NLGN1: variants seen among roughly 807,000 people sequenced by gnomAD.
NLGN1 encodes neuroligin 1.
NLGN1 carries 12 observed loss-of-function variants against 65.5 expected under a neutral mutation model. That is an observed-to-expected ratio of 0.18 (90% CI 0.12 to 0.30). The LOEUF is 0.30. Ranked by LOEUF, NLGN1 falls within the 10% of genes least tolerant of loss-of-function variation. NLGN1 has a pLI of 1.00. For synonymous variants in NLGN1, 350 were observed against 359.5 expected, an observed-to-expected ratio of 0.97 and a Z score of 0.30; for missense variants, 750 against 1,007.1, an observed-to-expected ratio of 0.74 and a Z score of 3.46.
intron 4 of NLGN1, among the ~76,000 whole-genome samples, chr3:174,017,414 T>C (rs1039321367): frequency 6.6e-6 from 1 of 152,190 alleles, no homozygotes; most frequent in Admixed American, 6.6e-5. Context: ...TATCAGTGTT[T>C]TCTAATGAAT....
chr3:174,022,054 G>A (rs1479231039), intron 4 of NLGN1, among the ~76,000 whole-genome samples: 2 of 152,086 alleles, frequency 1.3e-5, no homozygotes, highest in East Asian at 3.9e-4. Flanking sequence ...GTGTTCTGCC[G>A]ATGACCTGTA....
chr3:174,075,622 CTT>C (rs1172382845), intron 4 of NLGN1, among the ~76,000 whole-genome samples: 2 of 152,092 alleles, frequency 1.3e-5, no homozygotes, highest in African/African-American at 4.8e-5. Flanking sequence ...TTATATGACT[CTT>C]TTCAGTTTTT....
chr3:173,443,922 T>G (rs558928847), intron 2 of NLGN1, among the ~76,000 whole-genome samples: 1 of 152,328 alleles, frequency 6.6e-6, no homozygotes, highest in East Asian at 1.9e-4. Flanking sequence ...ACTTAACTGA[T>G]CAGTGAACAT....
rs5854553 is a variant in NLGN1 at position 174,133,893 on chromosome 3, AACACACACACAC to A, written c.647-141400_647-141389del. Among the ~76,000 whole-genome samples the A allele has an allele frequency of 4.2e-3, 608 of 144,892 alleles. 3 individuals are homozygous for A. The highest frequency in any genetic ancestry group is 0.015 in the African/African-American group (575 of 39,248). ...ATCTCTCCCCCACCACACCCCACAA[AACACACACACAC>A]ACACACACACACACACACACATATT... is the stretch of plus-strand genomic sequence containing the variant. On this transcript the variant is annotated intron_variant, in intron 4 of 6. Transcript: ENST00000457714.
At chr3:173,872,099 G>A (rs763796474) in intron 4 of NLGN1, among the ~76,000 whole-genome samples, 33 of 152,068 alleles carry the variant, frequency 2.2e-4, no homozygotes, top group Non-Finnish European at 4.6e-4. Flanking sequence ...TGGAAAGCAC[G>A]CGCCTCATGG....
chr3:174,095,229 A>G (rs1466499485), intron 4 of NLGN1, among the ~76,000 whole-genome samples: 1 of 151,102 alleles, frequency 6.6e-6, no homozygotes, highest in Non-Finnish European at 1.5e-5. Flanking sequence ...AACTAAAAAA[A>G]AAAAAAACCA....
At chr3:173,452,045 C>T (rs1314193713) in intron 2 of NLGN1, among the ~76,000 whole-genome samples, 4 of 152,228 alleles carry the variant, frequency 2.6e-5, no homozygotes, top group Non-Finnish European at 5.9e-5. Context: ...GGCTCACGCA[C>T]AGTGCACTGC....
At chr3:174,205,920 TCA>T in intron 4 of NLGN1, among the ~76,000 whole-genome samples, 1 of 152,192 alleles carries the variant, frequency 6.6e-6, no homozygotes, top group Non-Finnish European at 1.5e-5. Context: ...GTGCTTCAAT[TCA>T]GTGCCCAGCA....
chr3:174,118,458 A>G (rs528623561), intron 4 of NLGN1, among the ~76,000 whole-genome samples: 1 of 152,276 alleles, frequency 6.6e-6, no homozygotes, highest in Admixed American at 6.5e-5. Flanking sequence ...AGAAGAAGAT[A>G]TGGTTTTGTG....
chr3:174,105,472 A>T (rs1015312613), intron 4 of NLGN1, among the ~76,000 whole-genome samples: 4 of 152,054 alleles, frequency 2.6e-5, no homozygotes, highest in Non-Finnish European at 4.4e-5. Flanking sequence ...GAGCTCAGGG[A>T]TGTCAAGACT....
At chr3:173,987,595 A>T (rs973721242) in intron 4 of NLGN1, among the ~76,000 whole-genome samples, 2 of 152,164 alleles carry the variant, frequency 1.3e-5, no homozygotes, top group Non-Finnish European at 2.9e-5. Flanking sequence ...ATCTCTTTTG[A>T]TCCAGCTTAC....
intron 4 of NLGN1, among the ~76,000 whole-genome samples, chr3:174,141,265 C>T (rs372221105): frequency 1.3e-5 from 2 of 152,036 alleles, no homozygotes; most frequent in Non-Finnish European, 2.9e-5. Context: ...TTATATCCTT[C>T]AGGAAATTTA....
At chr3:173,708,316 G>A (rs567065986) in intron 3 of NLGN1, among the ~76,000 whole-genome samples, 2 of 152,284 alleles carry the variant, frequency 1.3e-5, no homozygotes, top group Admixed American at 1.3e-4. Context: ...AAGAGCAGAA[G>A]GCCCCTCCCT....
At chr3:174,030,258 T>C (rs534511561) in intron 4 of NLGN1, among the ~76,000 whole-genome samples, 112 of 151,894 alleles carry the variant, frequency 7.4e-4, no homozygotes, top group African/African-American at 2.6e-3. Context: ...CCCAAGTAGC[T>C]GGGATTACAG....
Position 173,573,748 on chromosome 3 carries a change from T to C in NLGN1, c.-320-30531T>C, listed in dbSNP as rs569896703. ...GAAGGATAGAGAAAAAAATTTTGAT[T>C]GTGTCAGGATTAAGAGTCAAAAAAA... On this transcript the variant is annotated intron_variant, in intron 2 of 6. Coordinates refer to ENST00000457714, the Ensembl canonical transcript of NLGN1. Among the ~76,000 whole-genome samples the C allele has an allele frequency of 5.3e-5, 8 of 151,404 alleles. No individual in the cohort carries two copies. In the South Asian group the frequency reaches 1.7e-3, roughly 32 times the overall value.
At chr3:174,225,655 C>T (rs1033211210) in intron 4 of NLGN1, among the ~76,000 whole-genome samples, 4 of 151,454 alleles carry the variant, frequency 2.6e-5, no homozygotes, top group Non-Finnish European at 5.9e-5. Flanking sequence ...GGCGTGAGCC[C>T]GGGAGGCGGA....
chr3:174,061,132 T>G (rs1737320244), intron 4 of NLGN1, among the ~76,000 whole-genome samples: 1 of 152,062 alleles, frequency 6.6e-6, no homozygotes. Context: ...GTGTGCCATT[T>G]GTGCATCATT....
At position 174,280,549 on chromosome 3, in the gene NLGN1, T is replaced by C; in HGVS notation, c.1718T>C (p.Val573Ala). The C allele has an allele frequency of 6.2e-7, 1 of 1,613,098 alleles. No homozygotes were observed. The highest frequency in any genetic ancestry group is 8.5e-7 in the Non-Finnish European group (1 of 1,179,434). Residue 573 changes from valine to alanine, a missense_variant, in exon 7 of 7, where the codon GTA becomes GCA. Coordinates refer to ENST00000457714, the Ensembl canonical transcript of NLGN1. This position sits in a 1 kb window ranked among gnomAD's most constrained non-coding sequence, Gnocchi z 4.9. ...ACCAAACCCAACCGTTTTGAAGAAGTAGCATGGACCAGATATTCCCAGAAA... is the reference window on the plus strand; with the variant it reads ...ACCAAACCCAACCGTTTTGAAGAAGCAGCATGGACCAGATATTCCCAGAAA...
chr3:173,585,847 T>G (rs1488881038), intron 2 of NLGN1, among the ~76,000 whole-genome samples: 1 of 152,202 alleles, frequency 6.6e-6, no homozygotes, highest in Non-Finnish European at 1.5e-5. Flanking sequence ...GGAATTTTTT[T>G]CTTTTTTTAA....
Sources: gnomAD v4.1 joint callset for allele counts (sites outside exome capture counted in the v4.1 genomes callset) on GRCh38, gnomAD v4.1.1 for gene constraint, Gnocchi (gnomAD v3.1) non-coding constraint, MANE v1.5 for transcripts, NCBI Gene and HGNC (gene_info 2026-07-23, HGNC 2026-07-21) for gene names.